GTF3C2: variants seen among roughly 807,000 people sequenced by gnomAD.
The protein encoded by GTF3C2 is general transcription factor IIIC subunit 2.
GTF3C2 carries 17 observed loss-of-function variants against 117.4 expected under a neutral mutation model. That is an observed-to-expected ratio of 0.14 (90% CI 0.10 to 0.22). The LOEUF is 0.22. Ranked by LOEUF, GTF3C2 falls within the 10% of genes least tolerant of loss-of-function variation. The pLI is 1.00. For missense variants in GTF3C2, 888 were observed against 1,143.6 expected (o/e 0.78, Z 3.22); for synonymous variants, 437 against 427.0 (o/e 1.02, Z -0.29).
intron 10 of GTF3C2, among the ~76,000 whole-genome samples, chr2:27,334,645 A>T (rs984435296): frequency 4.2e-5 from 6 of 144,234 alleles, no homozygotes; most frequent in Admixed American, 3.5e-4. Context: ...TCACAGCGAA[A>T]TTTTTTTTTT....
At chr2:27,327,332 G>T (rs1680112869) in intron 17 of GTF3C2, 48 bp from the exon 18 acceptor site, 3 of 1,034,020 alleles carry the variant, frequency 2.9e-6, no homozygotes, top group Middle Eastern at 2.2e-4. Flanking sequence ...ACGCTCGTTT[G>T]TTTTTTTTAA....
At chr2:27,326,461 A>T (rs1680075090) in exon 19 of GTF3C2, 1 of 592,472 alleles carries the variant, frequency 1.7e-6, no homozygotes, top group Non-Finnish European at 3.0e-6. Context: ...GAGCCTTGAG[A>T]GTTGGTGGAG....
intron 18 of GTF3C2, 31 bp downstream of exon 18, chr2:27,327,144 TGA>T (rs756902344): frequency 3.4e-6 from 4 of 1,163,922 alleles, no homozygotes; most frequent in Admixed American, 3.7e-5. Context: ...TGGGGGGAAA[TGA>T]GAGTGGAGGG....
In GTF3C2 at chr2:27,328,653, G is replaced by A; in HGVS notation, c.2128-57C>T. The A allele has an allele frequency of 2.1e-6, 3 of 1,416,822 alleles. No homozygotes were observed. The South Asian group carries it at 3.5e-5, about 17-fold the overall frequency. The allele number at this position is 1,416,822 out of a possible 1,614,324, so 87.8% of individuals were successfully genotyped here. ...TATATTCATTCAGAGCTATGAACTG[G>A]TAACAGCTGCACAGTCTGAGAGACA... On this transcript the variant is annotated intron_variant, in intron 15 of 18. Transcript: ENST00000264720.
chr2:27,337,731 G>C, intron 5 of GTF3C2, 173 bp from the exon 6 acceptor site: 1 of 685,392 alleles, frequency 1.5e-6, no homozygotes, highest in Non-Finnish European at 2.6e-6. Context: ...CTGAGAAACA[G>C]AGCCTTTCAT....
chr2:27,341,685 A>G (rs1337114503), intron 4 of GTF3C2: 1 of 451,110 alleles, frequency 2.2e-6, no homozygotes, highest in Non-Finnish European at 4.0e-6. Flanking sequence ...CTTGTGAGGC[A>G]GGATACACTG....
At position 27,333,645 on chromosome 2, in the gene GTF3C2, GT is replaced by G; in HGVS notation, c.1732+9del. 6.3e-7 allele frequency: 1 copy of G among 1,590,964 alleles called. No homozygotes were observed. The highest frequency in any genetic ancestry group is 2.2e-5 in the East Asian group (1 of 44,768). ...CAATAGTTCCTTATGTTTTATTTTG[GT>G]TTTTTTACCATTATAATATCCAGCA... On this transcript the variant is annotated intron_variant, in intron 12 of 18. Transcript: ENST00000264720.
At chr2:27,351,558 C>T (rs943875840) in intron 1 of GTF3C2, among the ~76,000 whole-genome samples, 1 of 152,174 alleles carries the variant, frequency 6.6e-6, no homozygotes, top group African/African-American at 2.4e-5. Flanking sequence ...ATAGGAGAGC[C>T]GCTTCTCTAG....
rs764398552 is a variant in GTF3C2, at chr2:27,327,255, T to A, written c.2439A>T (p.Glu813Asp). Residue 813 changes from glutamate to aspartate, a missense_variant, in exon 18 of 19, where the codon GAA becomes GAT. Coordinates refer to ENST00000264720, the Ensembl canonical transcript of GTF3C2. ...CTCCCTCCTGCATGCGCAGCATTGG[T>A]TCTCTACGGAGCAGATCATGGAATG... 2 of 1,606,092 alleles carry A rather than the reference T, an allele frequency of 1.2e-6. No homozygotes were observed. The highest frequency in any genetic ancestry group is 2.2e-5 in the East Asian group (1 of 44,854).
intron 12 of GTF3C2, among the ~76,000 whole-genome samples, chr2:27,332,719 A>T (rs1665930539): frequency 6.9e-6 from 1 of 144,054 alleles, no homozygotes; most frequent in South Asian, 2.2e-4. Flanking sequence ...CGGCCTAAAA[A>T]TTTTATTATT....
At chr2:27,327,491 A>AT (rs1449322617) in intron 17 of GTF3C2, among the ~76,000 whole-genome samples, 15 of 151,382 alleles carry the variant, frequency 9.9e-5, no homozygotes, top group Non-Finnish European at 2.1e-4. Context: ...CGCCCGGCAG[A>AT]TTTTTTGTAT....
At chr2:27,327,935 T>C in intron 17 of GTF3C2, 102 bp downstream of exon 17, 2 of 966,498 alleles carry the variant, frequency 2.1e-6, no homozygotes, top group Non-Finnish European at 3.1e-6. Context: ...CGAGGCTCCT[T>C]AGTTTTACAT....
chr2:27,329,096 A>G lies in GTF3C2; in HGVS notation c.2039+25T>C. The G allele has an allele frequency of 6.2e-7, 1 of 1,612,144 alleles. No individual in the cohort carries two copies. The highest frequency in any genetic ancestry group is 8.5e-7 in the Non-Finnish European group (1 of 1,178,348). On this transcript the variant is annotated intron_variant, in intron 14 of 18. Transcript: ENST00000264720. This position sits in a 1 kb window ranked among gnomAD's most constrained non-coding sequence, Gnocchi z 4.5. The stretch of plus-strand genomic sequence containing the variant: ...TCCAACCCTTAGGGCCTGTCCCTAG[A>G]GGTCCTATCTCCATCTTGCCGTACG...
At chr2:27,354,108 TCAA>T (rs372197414) in intron 1 of GTF3C2, among the ~76,000 whole-genome samples, 24 of 149,162 alleles carry the variant, frequency 1.6e-4, no homozygotes, top group African/African-American at 2.5e-4. Context: ...AAATCCTGTC[TCAA>T]CAACAACAAC....
intron 1 of GTF3C2, among the ~76,000 whole-genome samples, chr2:27,348,870 CTT>C (rs1558623315): frequency 6.6e-6 from 1 of 152,186 alleles, no homozygotes; most frequent in African/African-American, 2.4e-5. Context: ...GAGTCTTGCT[CTT>C]GTCACCCAGG....
chr2:27,327,969 G>A (rs374932598), intron 17 of GTF3C2, 68 bp downstream of exon 17: 36 of 1,326,310 alleles, frequency 2.7e-5, no homozygotes, highest in African/African-American at 1.0e-4. Flanking sequence ...TCAGGCTTGC[G>A]TACTATACAA....
rs370283358 is a variant in GTF3C2 at position 27,353,469 on chromosome 2, C to T, written c.-25+3270G>A. On this transcript the variant is annotated intron_variant, in intron 1 of 18. Transcript: ENST00000264720. ...TTTTTGTTTTTTTGAGACAGAGTCA[C>T]GCTCTGTCTCCCAGGCTGGAGCGCA... Among the ~76,000 whole-genome samples the T allele has an allele frequency of 1.1e-4, 16 of 151,882 alleles. 1 individual carries two copies. The highest frequency in any genetic ancestry group is 3.4e-4 in the African/African-American group (14 of 41,428).
chr2:27,351,463 A>G (rs1013775606), intron 1 of GTF3C2, among the ~76,000 whole-genome samples: 15 of 152,090 alleles, frequency 9.9e-5, no homozygotes, highest in African/African-American at 3.1e-4. Flanking sequence ...ATGGGAAACC[A>G]CCTGCTGAAT....
chr2:27,353,463 G>GTT (rs1473570634), intron 1 of GTF3C2, among the ~76,000 whole-genome samples: 4 of 151,584 alleles, frequency 2.6e-5, no homozygotes, highest in African/African-American at 9.7e-5. Context: ...TTTTGAGACA[G>GTT]AGTCACGCTC....
Sources: allele counts gnomAD v4.1 joint callset (sites outside exome capture counted in the v4.1 genomes callset), GRCh38; gene constraint gnomAD v4.1.1; non-coding constraint Gnocchi (gnomAD v3.1); transcripts MANE v1.5; gene names NCBI Gene and HGNC (gene_info 2026-07-23, HGNC 2026-07-21).